ABHD12: variants seen among roughly 807,000 people sequenced by gnomAD.
ABHD12 encodes the protein abhydrolase domain containing 12, lysophospholipase, also known as lysophosphatidylserine lipase ABHD12.
ABHD12 carries 43 observed loss-of-function variants against 58.3 expected under a neutral mutation model. The ratio of observed to expected loss-of-function variants is 0.74; its 90% confidence interval spans 0.58 to 0.95. ABHD12 has a LOEUF of 0.95. Among genes scored for constraint, ABHD12 ranks in the 40% least tolerant of loss-of-function variants. ABHD12 has a pLI of 0.00. For missense variants in ABHD12, 539 were observed against 537.2 expected (o/e 1.00, Z -0.03); for synonymous variants, 219 against 211.2 (o/e 1.04, Z -0.32).
intron 3 of ABHD12, among the ~76,000 whole-genome samples, chr20:25,322,978 C>G (rs2089108102): frequency 6.6e-6 from 1 of 152,316 alleles, no homozygotes; most frequent in East Asian, 1.9e-4. Flanking sequence ...TTGCCTCAGC[C>G]TCCCAAAGTG....
intron 10 of ABHD12, among the ~76,000 whole-genome samples, chr20:25,304,601 C>G (rs888328600): frequency 8.5e-5 from 13 of 152,236 alleles, no homozygotes; most frequent in African/African-American, 2.9e-4. Context: ...ATGAGTCTTG[C>G]TCTTTCACCA....
intron 1 of ABHD12, among the ~76,000 whole-genome samples, chr20:25,371,498 T>G (rs191136384): frequency 6.6e-6 from 1 of 152,230 alleles, no homozygotes; most frequent in African/African-American, 2.4e-5. Context: ...AACATAACCC[T>G]CCCCGCTTCC....
At chr20:25,382,421 G>A (rs6083824) in intron 1 of ABHD12, among the ~76,000 whole-genome samples, 65,339 of 151,892 alleles carry the variant, frequency 0.43, 15,570 homozygotes, top group Admixed American at 0.55. Context: ...GTCCTGTGGC[G>A]TCATCTCTGG....
chr20:25,357,193 C>T (rs1033790980), intron 1 of ABHD12, among the ~76,000 whole-genome samples: 30 of 152,196 alleles, frequency 2.0e-4, no homozygotes, highest in African/African-American at 7.2e-4. Context: ...CCCTGACTCT[C>T]CAGCGCCTTT....
chr20:25,373,194 G>A (rs887046636), intron 1 of ABHD12, among the ~76,000 whole-genome samples: 2 of 152,156 alleles, frequency 1.3e-5, no homozygotes. Flanking sequence ...AGGTGTACCT[G>A]TTATTGAGTG....
In ABHD12 at chr20:25,323,393, C is replaced by T; in HGVS notation, c.354G>A (p.Gln118=). Residue 118 remains glutamine, a synonymous_variant, in exon 3 of 13, where the codon CAG becomes CAA. Coordinates refer to ENST00000339157, the MANE Select transcript of ABHD12 (RefSeq NM_001042472.3). ...VPYFIDLKKP[Q]DQGLNHTCNY... ...TACACGTGTGATTCAAACCTTGATCCTGTGGTTTTTTCAAATCAATGAAAT... is the reference window on the plus strand; with the variant it reads ...TACACGTGTGATTCAAACCTTGATCTTGTGGTTTTTTCAAATCAATGAAAT... 2 of 1,614,000 alleles carry T rather than the reference C, an allele frequency of 1.2e-6. No individual in the cohort carries two copies. The highest frequency in any genetic ancestry group is 1.7e-6 in the Non-Finnish European group (2 of 1,179,882).
chr20:25,311,735 C>T lies in ABHD12; in HGVS notation c.620-2160G>A, dbSNP rs372818840. On this transcript the variant is annotated intron_variant, in intron 6 of 12. Transcript: ENST00000339157. Reference sequence around the variant, plus strand: ...TTTTGAAATTTTTGAGACAGGGTCTCGCTCTGTCACTCAGGCTGGAGTGCG... The same window carrying T: ...TTTTGAAATTTTTGAGACAGGGTCTTGCTCTGTCACTCAGGCTGGAGTGCG... Among the ~76,000 whole-genome samples the T allele has an allele frequency of 3.3e-5, 5 of 152,138 alleles. No individual in the cohort carries two copies. In the East Asian group the frequency reaches 5.8e-4, roughly 18 times the overall value.
chr20:25,341,918 T>C (rs754677346), intron 1 of ABHD12, among the ~76,000 whole-genome samples: 2 of 152,138 alleles, frequency 1.3e-5, no homozygotes, highest in African/African-American at 2.4e-5. Context: ...CTGCAGTTAC[T>C]TCTGTGTCCC....
chr20:25,352,575 T>TCACCATGCCTGGCACAAC (rs1176834283), intron 1 of ABHD12, among the ~76,000 whole-genome samples: 4 of 152,028 alleles, frequency 2.6e-5, no homozygotes, highest in African/African-American at 4.8e-5. Flanking sequence ...CAGGCATGAG[T>TCACCATGCCTGGCACAAC]CACCATGCCT....
In ABHD12 at chr20:25,390,514, T is replaced by G; in HGVS notation, c.190A>C (p.Arg64=). The G allele has an allele frequency of 9.0e-7, 1 of 1,115,762 alleles. No individual in the cohort carries two copies. The allele number at this position is 1,115,762 out of a possible 1,614,324, so 69.1% of individuals were successfully genotyped here. Residue 64 remains arginine (R), a splice_region_variant and synonymous_variant, in exon 1 of 13, where the codon AGG becomes CGG. Transcript: ENST00000339157. ...ADAGMKRALG[R]RKGVWLRLRK... ...CCCCCGCTCCGCGCGAAGCCTCACC[T>G]GCCCAGCGCCCGCTTCATTCCCGCG...
At chr20:25,326,508 C>G in intron 2 of ABHD12, among the ~76,000 whole-genome samples, 1 of 152,142 alleles carries the variant, frequency 6.6e-6, no homozygotes, top group East Asian at 1.9e-4. Context: ...GGATAGAAAC[C>G]CATGGCTGGA....
At position 25,372,570 on chromosome 20, in the gene ABHD12, G is replaced by C. The variant is rs529984190; in HGVS notation, c.191+17943C>G. Among the ~76,000 whole-genome samples the C allele has an allele frequency of 4.6e-5, 7 of 152,264 alleles. No individual in the cohort carries two copies. The South Asian group carries it at 1.2e-3, about 27-fold the overall frequency. On this transcript the variant is annotated intron_variant, in intron 1 of 12. Transcript: ENST00000339157. ...CCTTTGAAGATATTTGGGGTGGGAG[G>C]AATGACAACATAAAAAGTTATTTTC...
Position 25,390,775 on chromosome 20 carries a change from C to G in ABHD12, c.-72G>C, listed in dbSNP as rs994264826. On this transcript the variant is annotated 5_prime_UTR_variant, in exon 1 of 13. Transcript: ENST00000339157. ...CCGCAGTGCCGCCGCTCACAGCCGC[C>G]GCCACCCAGAGCCCGGAGCCCGGAA... 19 of 1,062,008 alleles carry G rather than the reference C, an allele frequency of 1.8e-5. No homozygotes were observed. Among genetic ancestry groups the G allele is most frequent in the East Asian group, 1.1e-4 (3 of 26,438 alleles). The allele number at this position is 1,062,008 out of a possible 1,614,324, so 65.8% of individuals were successfully genotyped here. A position where few individuals can be genotyped will look rare whatever the true frequency, so the allele number is the denominator to read the frequency against.
intron 1 of ABHD12, among the ~76,000 whole-genome samples, chr20:25,370,745 A>G (rs2089890045): frequency 6.6e-6 from 1 of 152,162 alleles, no homozygotes; most frequent in Non-Finnish European, 1.5e-5. Context: ...GGCAGCTGTG[A>G]GCATTCCATG....
intron 1 of ABHD12, among the ~76,000 whole-genome samples, chr20:25,352,766 A>T (rs2089618345): frequency 1.3e-5 from 2 of 152,180 alleles, no homozygotes; most frequent in South Asian, 2.1e-4. Context: ...CATACAGGCC[A>T]GGCATGGTAG....
At chr20:25,380,325 G>A (rs1034943143) in intron 1 of ABHD12, among the ~76,000 whole-genome samples, 3 of 152,086 alleles carry the variant, frequency 2.0e-5, no homozygotes, top group African/African-American at 4.8e-5. Flanking sequence ...GCAATGGCGC[G>A]ATTTTGGCTA....
chr20:25,351,009 A>ACACACACC (rs1174578415), intron 1 of ABHD12, among the ~76,000 whole-genome samples: 1 of 130,432 alleles, frequency 7.7e-6, no homozygotes, highest in Non-Finnish European at 1.7e-5. Context: ...ACACACACAC[A>ACACACACC]CCCTTATTAA....
At chr20:25,367,179 T>C (rs757498430) in intron 1 of ABHD12, among the ~76,000 whole-genome samples, 3 of 152,176 alleles carry the variant, frequency 2.0e-5, no homozygotes, top group Non-Finnish European at 4.4e-5. Flanking sequence ...AGCTACAGAT[T>C]ACAGCACACT....
chr20:25,378,598 T>C (rs909931013), intron 1 of ABHD12, among the ~76,000 whole-genome samples: 2 of 152,138 alleles, frequency 1.3e-5, no homozygotes, highest in African/African-American at 4.8e-5. Flanking sequence ...GCATTGACCC[T>C]GAACATTCTT....
Sources: allele counts gnomAD v4.1 joint callset (sites outside exome capture counted in the v4.1 genomes callset), GRCh38; gene constraint gnomAD v4.1.1; transcripts MANE v1.5; gene names NCBI Gene and HGNC (gene_info 2026-07-23, HGNC 2026-07-21).